The following ABCG2 variants were observed in gnomAD, a reference collection of about 807,000 sequenced individuals.
ABCG2 encodes ATP binding cassette subfamily G member 2 (JR blood group).
ABCG2 carries 80 observed loss-of-function variants against 73.5 expected under a neutral mutation model. The observed-to-expected ratio is 1.09, with a 90% confidence interval of 0.91 to 1.31. The LOEUF is 1.31. ABCG2 is among the 50% of genes most tolerant of loss of function. The pLI is 0.00. For synonymous variants in ABCG2, 269 were observed against 282.4 expected (o/e 0.95, Z 0.48); for missense variants, 796 against 786.2 (o/e 1.01, Z -0.15).
chr4:88,098,113 T>C (rs1722111320), intron 12 of ABCG2, among the ~76,000 whole-genome samples: 1 of 152,162 alleles, frequency 6.6e-6, no homozygotes. Flanking sequence ...GAGACTAAAT[T>C]ACGTTTCATA....
At chr4:88,104,582 T>A (rs2109990308) in intron 10 of ABCG2, among the ~76,000 whole-genome samples, 1 of 151,916 alleles carries the variant, frequency 6.6e-6, no homozygotes, top group Non-Finnish European at 1.5e-5. Context: ...GATGGATTGA[T>A]AGGTGTAGCA....
In ABCG2 at chr4:88,097,586, G is replaced by T; in HGVS notation, c.1514C>A (p.Ala505Asp). ...AAGGGTAAACATCATAACGAAGAAG[G>T]CATCTGCCTTTGGCTTCAATCCTTA... ...FMLGLKPKAD[A>D]FFVMMFTLMM... The change falls in exon 13 of 16, where the codon GCC becomes GAC. Residue 505 changes from alanine (A) to aspartate (D), a missense_variant. Ala to Asp is a moderately radical substitution (Grantham distance 126). Coordinates refer to ENST00000237612, the MANE Select transcript of ABCG2 (RefSeq NM_004827.3). 1.2e-6 allele frequency: 2 copies of T among 1,614,064 alleles called. No homozygotes were observed. The highest frequency in any genetic ancestry group is 2.2e-5 in the East Asian group (1 of 44,876).
rs539759080 is a variant in ABCG2 at position 88,219,249 on chromosome 4, C to T, written c.-20+11745G>A. Among the ~76,000 whole-genome samples, 16 of 152,324 alleles carry T rather than the reference C, an allele frequency of 1.1e-4. No homozygotes were observed. The South Asian group carries it at 2.9e-3, about 28-fold the overall frequency. ...CTTTCTTTTTTCTCAGTACACTGTT[C>T]CGCAAGTATTCACTGAATAGCTACC... On this transcript the variant is annotated intron_variant, in intron 1 of 15. Coordinates refer to the ABCG2 transcript ENST00000515655.
At chr4:88,210,210 C>G (rs1322265411) in intron 1 of ABCG2, among the ~76,000 whole-genome samples, 1 of 150,768 alleles carries the variant, frequency 6.6e-6, no homozygotes, top group Non-Finnish European at 1.5e-5. Flanking sequence ...CACACACACA[C>G]ACACACACAC....
chr4:88,166,952 C>T (rs1357095750), intron 1 of ABCG2, among the ~76,000 whole-genome samples: 1 of 151,920 alleles, frequency 6.6e-6, no homozygotes, highest in African/African-American at 2.4e-5. Flanking sequence ...GGTTTGAACA[C>T]GAGAGTGAGG....
chr4:88,202,033 T>C (rs558130260), intron 1 of ABCG2, among the ~76,000 whole-genome samples: 42 of 152,060 alleles, frequency 2.8e-4, no homozygotes, highest in Non-Finnish European at 4.6e-4. Flanking sequence ...CCCCAAGCAA[T>C]TTAAAATTCA....
At chr4:88,150,194 G>C (rs1307492024) in intron 1 of ABCG2, among the ~76,000 whole-genome samples, 1 of 152,110 alleles carries the variant, frequency 6.6e-6, no homozygotes, top group Non-Finnish European at 1.5e-5. Flanking sequence ...GCGCATACCT[G>C]TAATTCCTGC....
chr4:88,226,825 T>G (rs1471598592), intron 1 of ABCG2: 1 of 152,382 alleles, frequency 6.6e-6, no homozygotes, highest in East Asian at 1.9e-4. Flanking sequence ...GCATTTTATA[T>G]TTAAAAAGAA....
chr4:88,202,115 C>T (rs925487960), intron 1 of ABCG2, among the ~76,000 whole-genome samples: 3 of 151,520 alleles, frequency 2.0e-5, no homozygotes, highest in African/African-American at 7.3e-5. Flanking sequence ...TTTTGCTTAC[C>T]TCAAAGGGCC....
At chr4:88,160,716 G>C (rs1279926520), upstream of ABCG2, among the ~76,000 whole-genome samples, 1 of 151,780 alleles carries the variant, frequency 6.6e-6, no homozygotes, top group African/African-American at 2.4e-5. Context: ...GGGCATGGTG[G>C]CTCATGCCTG....
chr4:88,113,576 G>C, intron 8 of ABCG2, 23 bp from the exon 9 acceptor site: 1 of 1,603,310 alleles, frequency 6.2e-7, no homozygotes, highest in Non-Finnish European at 8.5e-7. Context: ...TGGATAAAAA[G>C]GAAACACAAA....
chr4:88,136,361 T>C (rs1474488893), intron 2 of ABCG2, among the ~76,000 whole-genome samples: 1 of 152,124 alleles, frequency 6.6e-6, no homozygotes, highest in Non-Finnish European at 1.5e-5. Context: ...TTTGGTTTTG[T>C]AAATATCTCC....
chr4:88,171,328 G>A (rs1342093581), intron 1 of ABCG2, among the ~76,000 whole-genome samples: 1 of 144,514 alleles, frequency 6.9e-6, no homozygotes, highest in Non-Finnish European at 1.5e-5. Flanking sequence ...TGGATGGGGG[G>A]ATGTGGGAAG....
intron 2 of ABCG2, among the ~76,000 whole-genome samples, 186 bp downstream of exon 2, chr4:88,139,607 T>C (rs1032746824): frequency 4.6e-5 from 7 of 152,180 alleles, no homozygotes; most frequent in Non-Finnish European, 1.0e-4. Context: ...GTCAAACATA[T>C]ACCTAAAATG....
intron 5 of ABCG2, among the ~76,000 whole-genome samples, chr4:88,127,911 T>C (rs190774676): frequency 7.2e-6 from 1 of 138,800 alleles, no homozygotes; most frequent in Non-Finnish European, 1.5e-5. Flanking sequence ...AATTGACAAA[T>C]GGGATCTAAT....
At chr4:88,191,224 A>G (rs1728678765) in intron 1 of ABCG2, among the ~76,000 whole-genome samples, 1 of 138,426 alleles carries the variant, frequency 7.2e-6, no homozygotes, top group Non-Finnish European at 1.6e-5. Flanking sequence ...GTGCTCCAAG[A>G]TCGCGCCAGT....
intron 1 of ABCG2, among the ~76,000 whole-genome samples, chr4:88,179,592 AG>A (rs1231726984): frequency 6.6e-6 from 1 of 152,248 alleles, no homozygotes; most frequent in Admixed American, 6.5e-5. Flanking sequence ...GGAGAGACAG[AG>A]AGATATGACC....
At chr4:88,214,343 C>T (rs1033036350) in intron 1 of ABCG2, among the ~76,000 whole-genome samples, 4 of 152,172 alleles carry the variant, frequency 2.6e-5, no homozygotes, top group African/African-American at 9.6e-5. Flanking sequence ...ACTGCTCTAT[C>T]GTTTTGTTCT....
Position 88,139,866 on chromosome 4 carries a change from A to G in ABCG2, c.130T>C (p.Tyr44His), listed in dbSNP as rs1439504107. ...GAVLSFHNIC[Y>H]RVKLKSGFLP... ...AAGCCACTCTTCAGTTTTACTCGAT[A>G]GCAGATGTTATGAAAACTTAACACA... is the stretch of plus-strand genomic sequence containing the variant. The change falls in exon 2 of 16, where the codon TAT (tyrosine) becomes CAT (histidine). Residue 44 changes from tyrosine (Y) to histidine (H), a missense_variant. Transcript: ENST00000237612. 4 of 1,614,066 alleles carry G rather than the reference A, an allele frequency of 2.5e-6. No individual in the cohort carries two copies. In the African/African-American group the frequency reaches 4.0e-5, roughly 16 times the overall value.
Sources: gnomAD v4.1 joint callset for allele counts (sites outside exome capture counted in the v4.1 genomes callset) on GRCh38, gnomAD v4.1.1 for gene constraint, MANE v1.5 for transcripts, NCBI Gene and HGNC (gene_info 2026-07-23, HGNC 2026-07-21) for gene names.